The following OGDH variants were observed in gnomAD, a reference collection of about 807,000 sequenced individuals.
OGDH encodes the protein 2-oxoglutarate dehydrogenase complex component E1.
OGDH carries 38 observed loss-of-function variants against 116.6 expected under a neutral mutation model. The ratio of observed to expected loss-of-function variants is 0.33; its 90% CI spans 0.25 to 0.43. OGDH has a LOEUF of 0.43. OGDH is among the 20% of genes least tolerant of loss of function. The probability of loss-of-function intolerance (pLI) is 1.00; values close to 1 mark genes in which losing one functional copy is unlikely to be tolerated. For missense variants in OGDH, 825 were observed against 1,357.2 expected, an observed-to-expected ratio of 0.61 and a Z score of 6.16; for synonymous variants, 488 against 533.3, an observed-to-expected ratio of 0.92 and a Z score of 1.17.
intron 2 of OGDH, among the ~76,000 whole-genome samples, chr7:44,628,697 A>T (rs1386473205): frequency 1.3e-5 from 2 of 152,080 alleles, no homozygotes; most frequent in African/African-American, 4.8e-5. Flanking sequence ...CAATCCTCCC[A>T]GCTTGGCCTC....
Position 44,694,618 on chromosome 7 carries a change from T to A in OGDH, c.1668+42T>A, listed in dbSNP as rs758427334. 9.3e-6 allele frequency: 15 copies of A among 1,604,418 alleles called. No homozygotes were observed. The Admixed American group carries it at 2.5e-4, about 27-fold the overall frequency. On this transcript the variant is annotated intron_variant, in intron 12 of 22. Coordinates refer to ENST00000222673, the MANE Select transcript of OGDH (RefSeq NM_002541.4). The surrounding 1 kb of genome is among the most constrained non-coding windows in gnomAD (Gnocchi z 4.2). ...CTATCCCAGTGCGCCTTTCCAGGGC[T>A]GGCGATGACTAGAAAAGGTGGGCCA...
intron 4 of OGDH, among the ~76,000 whole-genome samples, chr7:44,658,383 G>A (rs1344684427): frequency 6.7e-6 from 1 of 149,070 alleles, no homozygotes; most frequent in East Asian, 2.0e-4. Flanking sequence ...TTCATTGGTA[G>A]TATATAGAAA....
intron 4 of OGDH, among the ~76,000 whole-genome samples, chr7:44,664,019 G>A (rs1787070921): frequency 6.6e-6 from 1 of 152,030 alleles, no homozygotes; most frequent in African/African-American, 2.4e-5. Context: ...GGTCATCATG[G>A]TGTTGATGTC....
intron 10 of OGDH, among the ~76,000 whole-genome samples, chr7:44,688,296 G>A (rs1788218879): frequency 6.6e-6 from 1 of 151,912 alleles, no homozygotes; most frequent in African/African-American, 2.4e-5. Flanking sequence ...GCTTGAACCT[G>A]GGAGGCGGAG....
At chr7:44,693,732 C>A (rs772548354) in intron 10 of OGDH, 93 bp from the exon 11 acceptor site, 1 of 1,139,964 alleles carries the variant, frequency 8.8e-7, no homozygotes, top group Non-Finnish European at 1.2e-6. Flanking sequence ...AGCCAGATGG[C>A]AAGTGCATGC....
intron 7 of OGDH, 43 bp downstream of exon 7, chr7:44,674,600 G>A (rs749088660): frequency 1.9e-6 from 3 of 1,610,428 alleles, no homozygotes; most frequent in African/African-American, 2.7e-5. Flanking sequence ...CACCATCCCT[G>A]TGGGCTGTGT....
chr7:44,653,319 C>T (rs1786536594), intron 4 of OGDH, among the ~76,000 whole-genome samples: 2 of 152,112 alleles, frequency 1.3e-5, no homozygotes, highest in South Asian at 2.1e-4. Context: ...CCTTGAACTC[C>T]TGGCCTCAAG....
At chr7:44,641,540 G>A (rs904911034) in intron 2 of OGDH, among the ~76,000 whole-genome samples, 1 of 152,078 alleles carries the variant, frequency 6.6e-6, no homozygotes, top group East Asian at 1.9e-4. Flanking sequence ...TAGGTTTTAC[G>A]TGACAGTGGT....
At chr7:44,703,950 A>G (rs1015359225) in intron 20 of OGDH, among the ~76,000 whole-genome samples, 3 of 152,106 alleles carry the variant, frequency 2.0e-5, no homozygotes, top group East Asian at 1.9e-4. Context: ...TCATCCATTC[A>G]TCTGTCGATG....
chr7:44,697,567 C>A lies in OGDH; in HGVS notation c.2180-37C>A. The A allele has an allele frequency of 6.2e-7, 1 of 1,613,956 alleles. No individual in the cohort carries two copies. Among genetic ancestry groups the A allele is most frequent in the Non-Finnish European group, 8.5e-7 (1 of 1,179,876 alleles). On this transcript the variant is annotated intron_variant, in intron 16 of 22. Transcript: ENST00000222673. The surrounding 1 kb of genome is among the most constrained non-coding windows in gnomAD (Gnocchi z 6.0). ...CCCCGCTGGGCCTACTGGCTGGTGT[C>A]CTGGACATGGTTTTCTCCTTCCTTT... is the stretch of plus-strand genomic sequence containing the variant.
chr7:44,611,699 C>T (rs1405961598), intron 1 of OGDH, among the ~76,000 whole-genome samples: 1 of 152,110 alleles, frequency 6.6e-6, no homozygotes, highest in Non-Finnish European at 1.5e-5. Context: ...GCGTGAGCCA[C>T]TGCGCCTGGC....
intron 1 of OGDH, among the ~76,000 whole-genome samples, chr7:44,615,058 G>T (rs2331137): frequency 0.31 from 47,177 of 151,782 alleles, 8,650 homozygotes; most frequent in Non-Finnish European, 0.41. Flanking sequence ...TTGAATTCCT[G>T]ACCTCAAGTG....
intron 4 of OGDH, among the ~76,000 whole-genome samples, chr7:44,652,534 A>G (rs141781193): frequency 7.9e-4 from 121 of 152,240 alleles, no homozygotes; most frequent in African/African-American, 2.9e-3. Flanking sequence ...GAGGGTTGAG[A>G]GTTCCAACAT....
At chr7:44,678,841 ACT>A (rs146318110) in intron 9 of OGDH, among the ~76,000 whole-genome samples, 190 of 152,118 alleles carry the variant, frequency 1.2e-3, no homozygotes, top group African/African-American at 4.2e-3. Flanking sequence ...GTGTTATGTA[ACT>A]CTCAGCATTT....
chr7:44,686,376 G>C (rs1032954731), intron 10 of OGDH, among the ~76,000 whole-genome samples: 1 of 152,090 alleles, frequency 6.6e-6, no homozygotes, highest in Non-Finnish European at 1.5e-5. Context: ...GCTTATTTTT[G>C]TCAGTGCTCT....
chr7:44,679,329 C>A (rs1004675738), intron 9 of OGDH, among the ~76,000 whole-genome samples: 2 of 152,172 alleles, frequency 1.3e-5, no homozygotes, highest in African/African-American at 2.4e-5. Context: ...GCCTGGGCAT[C>A]GTAGCAAAGC....
At position 44,655,484 on chromosome 7, in the gene OGDH, G is replaced by A. The variant is rs1251688794; in HGVS notation, c.517+7725G>A. ...CTGACTTCAAAGGAAGCACTTGCTG[G>A]CCTTTCTCTGCACTCCCAGTACAGG... On this transcript the variant is annotated intron_variant, in intron 4 of 22. Coordinates refer to ENST00000222673, the MANE Select transcript of OGDH (RefSeq NM_002541.4). 5.9e-5 allele frequency among the ~76,000 whole-genome samples: 9 copies of A among 152,116 alleles called. No homozygotes were observed. In the East Asian group the frequency reaches 1.7e-3, roughly 29 times the overall value.
rs966283232 is a variant in OGDH, at chr7:44,674,018, G to A, written c.788+77G>A. The stretch of plus-strand genomic sequence containing the variant: ...CCCTGTCTGTGTTGATCGGGCCTGT[G>A]TGCAGCCTGTTGGCCGAGGTGAGAG... On this transcript the variant is annotated intron_variant, in intron 6 of 22. Transcript: ENST00000222673. The A allele has an allele frequency of 1.1e-5, 18 of 1,568,994 alleles. No homozygotes were observed. In the African/African-American group the frequency reaches 1.9e-4, roughly 16 times the overall value.
chr7:44,706,624 A>ATT lies in OGDH; in HGVS notation c.2633-587_2633-586dup, dbSNP rs60453820. 5.8e-4 allele frequency among the ~76,000 whole-genome samples: 72 copies of ATT among 123,242 alleles called. 2 individuals are homozygous for ATT. Among genetic ancestry groups the ATT allele is most frequent in the South Asian group, 2.3e-3 (9 of 3,946 alleles). 80.9% of individuals were successfully genotyped at this position (123,242 alleles called of 152,430 possible). ...GGCGTGAGCCATGCGCCCGGCTGGT[A>ATT]TTTTTTTTTTTTTTTGTCTGGAGAT... On this transcript the variant is annotated intron_variant, in intron 20 of 22. Transcript: ENST00000222673.
Sources: gnomAD v4.1 joint callset for allele counts (sites outside exome capture counted in the v4.1 genomes callset) on GRCh38, gnomAD v4.1.1 for gene constraint, Gnocchi (gnomAD v3.1) non-coding constraint, MANE v1.5 for transcripts, NCBI Gene and HGNC (gene_info 2026-07-23, HGNC 2026-07-21) for gene names.